TSHZ1: variants seen among roughly 807,000 people sequenced by gnomAD.
TSHZ1 encodes the protein teashirt homolog 1.
TSHZ1 carries 12 observed loss-of-function variants against 67.1 expected under a neutral mutation model. That is an observed-to-expected ratio of 0.18 (90% CI 0.11 to 0.29). The LOEUF is 0.29. Ranked by LOEUF, TSHZ1 falls within the 10% of genes least tolerant of loss-of-function variation. TSHZ1 has a pLI of 1.00. For synonymous variants in TSHZ1, 632 were observed against 622.4 expected, an observed-to-expected ratio of 1.02 and a Z score of -0.23; for missense variants, 1,305 against 1,413.9, an observed-to-expected ratio of 0.92 and a Z score of 1.23.
intron 1 of TSHZ1, among the ~76,000 whole-genome samples, chr18:75,256,589 A>G (rs1338161276): frequency 1.3e-5 from 2 of 152,256 alleles, no homozygotes; most frequent in Non-Finnish European, 2.9e-5. Context: ...GAAAGCCAGA[A>G]CTGGCAATTC....
At chr18:75,267,598 T>C (rs1216879879) in intron 1 of TSHZ1, among the ~76,000 whole-genome samples, 1 of 152,212 alleles carries the variant, frequency 6.6e-6, no homozygotes, top group Non-Finnish European at 1.5e-5. Context: ...TTCAGTTCTT[T>C]CCTAAATGGA....
intron 1 of TSHZ1, among the ~76,000 whole-genome samples, chr18:75,239,917 C>T (rs1055965271): frequency 6.6e-6 from 1 of 152,204 alleles, no homozygotes; most frequent in African/African-American, 2.4e-5. Context: ...GCCCAGCATG[C>T]TTCCACCATT....
intron 1 of TSHZ1, among the ~76,000 whole-genome samples, chr18:75,221,492 A>G (rs902054964): frequency 3.9e-5 from 6 of 152,258 alleles, no homozygotes; most frequent in African/African-American, 1.4e-4. Context: ...ACGACATACC[A>G]ATGAATGCTG....
At chr18:75,213,399 C>G (rs1388066384) in intron 1 of TSHZ1, among the ~76,000 whole-genome samples, 3 of 152,204 alleles carry the variant, frequency 2.0e-5, no homozygotes, top group African/African-American at 7.2e-5. Context: ...TAATATAGCT[C>G]AGTGTCTCAA....
chr18:75,270,515 T>A (rs1232814500), intron 1 of TSHZ1, among the ~76,000 whole-genome samples: 1 of 152,158 alleles, frequency 6.6e-6, no homozygotes, highest in Non-Finnish European at 1.5e-5. Flanking sequence ...AAATTACAAG[T>A]GTGCTGGGAA....
intron 1 of TSHZ1, among the ~76,000 whole-genome samples, chr18:75,269,794 G>A (rs1006379544): frequency 6.6e-6 from 1 of 151,992 alleles, no homozygotes; most frequent in Non-Finnish European, 1.5e-5. Context: ...GGTACCCATT[G>A]AACAGTACCC....
intron 1 of TSHZ1, among the ~76,000 whole-genome samples, chr18:75,235,993 T>C (rs147478964): frequency 1.3e-5 from 2 of 152,306 alleles, no homozygotes; most frequent in African/African-American, 4.8e-5. Flanking sequence ...CACACCCACA[T>C]TGAACAAGCA....
intron 1 of TSHZ1, among the ~76,000 whole-genome samples, chr18:75,226,084 A>C (rs1015327900): frequency 3.9e-5 from 6 of 152,214 alleles, no homozygotes; most frequent in Non-Finnish European, 7.3e-5. Context: ...ACTGCAACAT[A>C]TTTTCAAGGC....
intron 1 of TSHZ1, among the ~76,000 whole-genome samples, chr18:75,272,207 T>A (rs112255336): frequency 1.3e-5 from 2 of 152,230 alleles, no homozygotes; most frequent in African/African-American, 4.8e-5. Flanking sequence ...GTTTATCAGA[T>A]AGAAGAGGAA....
In TSHZ1 at chr18:75,286,840, T is replaced by C; in HGVS notation, c.1433T>C (p.Leu478Pro). Reference protein sequence around the residue: ...IPLPPTTHTRLPASSIKKQPD... With the variant: ...IPLPPTTHTRPPASSIKKQPD... ...CTACCGCCCACCACCCACACGCGGC[T>C]GCCGGCCTCCAGCATCAAAAAGCAG... Residue 478 changes from leucine to proline, a missense_variant, in exon 2 of 2, where the codon CTG becomes CCG. Around this residue, in one of 3 missense-constraint regions of TSHZ1, gnomAD observed 909 missense variants for 961.8 expected, o/e 0.95. Transcript: ENST00000580243. This position sits in a 1 kb window ranked among gnomAD's most constrained non-coding sequence, Gnocchi z 5.1. 1 of 1,614,000 alleles carries C rather than the reference T, an allele frequency of 6.2e-7. No homozygotes were observed. The highest frequency in any genetic ancestry group is 8.5e-7 in the Non-Finnish European group (1 of 1,179,994).
At chr18:75,272,042 A>G (rs980365763) in intron 1 of TSHZ1, among the ~76,000 whole-genome samples, 3 of 152,244 alleles carry the variant, frequency 2.0e-5, no homozygotes, top group African/African-American at 7.2e-5. Flanking sequence ...TAATGGAAAC[A>G]GGTTAAATAC....
chr18:75,271,195 G>A (rs1354145185), intron 1 of TSHZ1, among the ~76,000 whole-genome samples: 1 of 152,176 alleles, frequency 6.6e-6, no homozygotes, highest in Admixed American at 6.5e-5. Flanking sequence ...GAAGAAATAG[G>A]AGAAAATATC....
At position 75,288,001 on chromosome 18, in the gene TSHZ1, C is replaced by T; in HGVS notation, c.2594C>T (p.Ser865Phe). 1 of 1,614,210 alleles carries T rather than the reference C, an allele frequency of 6.2e-7. No homozygotes were observed. The highest frequency in any genetic ancestry group is 1.1e-5 in the South Asian group (1 of 91,080). The change falls in exon 2 of 2, where the codon TCC becomes TTC. Residue 865 changes from serine (S) to phenylalanine (F), a missense_variant. Ser to Phe is a radical substitution (Grantham distance 155). Around this residue, in one of 3 missense-constraint regions of TSHZ1, gnomAD observed 909 missense variants for 961.8 expected, o/e 0.95. Transcript: ENST00000580243. This position sits in a 1 kb window ranked among gnomAD's most constrained non-coding sequence, Gnocchi z 4.9. ...ACGCCCTCCACAGTTTCAGAGAAGT[C>T]CGATGCTGATGGCAGCAGCTTTGAG... ...SSTPSTVSEK[S>F]DADGSSFEEA...
At chr18:75,251,407 T>C (rs1195316653) in intron 1 of TSHZ1, among the ~76,000 whole-genome samples, 1 of 151,990 alleles carries the variant, frequency 6.6e-6, no homozygotes, top group East Asian at 1.9e-4. Flanking sequence ...AGGATGGTAG[T>C]ATTTATTGGC....
In TSHZ1 at chr18:75,288,802, C is replaced by T; in HGVS notation, c.*161C>T. On this transcript the variant is annotated 3_prime_UTR_variant, in exon 2 of 2. Transcript: ENST00000580243. This position sits in a 1 kb window ranked among gnomAD's most constrained non-coding sequence, Gnocchi z 4.9. ...TTTTGTATATTTATATGCTCTCTGT[C>T]CGATCTGTGCATGTTATTTTTCTTT... is the stretch of plus-strand genomic sequence containing the variant. 2 of 1,188,182 alleles carry T rather than the reference C, an allele frequency of 1.7e-6. No individual in the cohort carries two copies. The highest frequency in any genetic ancestry group is 2.3e-6 in the Non-Finnish European group (2 of 879,716). The allele number at this position is 1,188,182 out of a possible 1,614,324, so 73.6% of individuals were successfully genotyped here. A position where few individuals can be genotyped will look rare whatever the true frequency, so the allele number is the denominator to read the frequency against.
At chr18:75,217,034 G>A (rs536975271) in intron 1 of TSHZ1, among the ~76,000 whole-genome samples, 5 of 152,330 alleles carry the variant, frequency 3.3e-5, no homozygotes, top group Admixed American at 6.5e-5. Flanking sequence ...GATCAATGGC[G>A]CCTGCTTTCT....
At chr18:75,248,150 CTG>C (rs1332465985) in intron 1 of TSHZ1, among the ~76,000 whole-genome samples, 3 of 152,324 alleles carry the variant, frequency 2.0e-5, no homozygotes, top group East Asian at 3.9e-4. Flanking sequence ...ATACTGGAAA[CTG>C]TATCCATCAG....
At chr18:75,231,666 C>T (rs920998550) in intron 1 of TSHZ1, among the ~76,000 whole-genome samples, 4 of 151,762 alleles carry the variant, frequency 2.6e-5, no homozygotes, top group African/African-American at 9.7e-5. Flanking sequence ...ACCTGAGTAG[C>T]TGGGATTACA....
intron 1 of TSHZ1, among the ~76,000 whole-genome samples, chr18:75,270,001 C>G (rs2023538584): frequency 6.6e-6 from 1 of 152,230 alleles, no homozygotes; most frequent in Non-Finnish European, 1.5e-5. Context: ...GAGAACTACC[C>G]AAGACCAGTT....
Sources: allele counts gnomAD v4.1 joint callset (sites outside exome capture counted in the v4.1 genomes callset), GRCh38; gene constraint gnomAD v4.1.1; regional missense constraint gnomAD v4.1.1; non-coding constraint Gnocchi (gnomAD v3.1); transcripts MANE v1.5; gene names NCBI Gene and HGNC (gene_info 2026-07-23, HGNC 2026-07-21).